Variants in RAPGEF1 observed in about 807,000 individuals in gnomAD.
RAPGEF1 encodes the protein CRK SH3-binding GNRP.
RAPGEF1 carries 33 observed loss-of-function variants against 143.3 expected under a neutral mutation model. That is an observed-to-expected ratio of 0.23 (90% CI 0.17 to 0.31). RAPGEF1 has a LOEUF of 0.31. Among genes scored for constraint, RAPGEF1 ranks in the 10% least tolerant of loss-of-function variants. The pLI is 1.00. For synonymous variants in RAPGEF1, 629 were observed against 676.5 expected, an observed-to-expected ratio of 0.93 and a Z score of 1.09; for missense variants, 1,199 against 1,645.4, an observed-to-expected ratio of 0.73 and a Z score of 4.69.
intron 1 of RAPGEF1, among the ~76,000 whole-genome samples, chr9:131,670,972 C>G (rs759795129): frequency 3.3e-5 from 5 of 152,206 alleles, no homozygotes; most frequent in Non-Finnish European, 7.3e-5. Context: ...TTTGAAAAGA[C>G]AGCCATCCCC....
intron 17 of RAPGEF1, among the ~76,000 whole-genome samples, chr9:131,594,468 A>C (rs992571789): frequency 6.6e-6 from 1 of 151,612 alleles, no homozygotes; most frequent in African/African-American, 2.4e-5. Flanking sequence ...ACCACAAAGC[A>C]CCCCCACACG....
chr9:131,595,369 A>G (rs974131514), intron 17 of RAPGEF1, among the ~76,000 whole-genome samples: 14 of 152,224 alleles, frequency 9.2e-5, no homozygotes, highest in African/African-American at 3.1e-4. Context: ...TACTACTTCC[A>G]TAATTCAGAA....
chr9:131,623,012 C>A (rs1475655160), intron 10 of RAPGEF1, among the ~76,000 whole-genome samples: 1 of 152,166 alleles, frequency 6.6e-6, no homozygotes, highest in African/African-American at 2.4e-5. Flanking sequence ...AGGTAATCCA[C>A]CTGGCTCGTC....
At chr9:131,632,340 C>T (rs1266342944) in intron 5 of RAPGEF1, among the ~76,000 whole-genome samples, 3 of 149,658 alleles carry the variant, frequency 2.0e-5, no homozygotes, top group East Asian at 2.0e-4. Context: ...GGGGTTTCAC[C>T]GTGGTCTCGA....
At chr9:131,617,250 G>T (rs1159953758) in intron 12 of RAPGEF1, among the ~76,000 whole-genome samples, 2 of 152,226 alleles carry the variant, frequency 1.3e-5, no homozygotes, top group Non-Finnish European at 2.9e-5. Flanking sequence ...GCCAAGTTTC[G>T]CAAGATTTGT....
intron 1 of RAPGEF1, among the ~76,000 whole-genome samples, chr9:131,699,548 T>C (rs541640962): frequency 6.6e-6 from 1 of 152,308 alleles, no homozygotes; most frequent in South Asian, 2.1e-4. Flanking sequence ...CTGGCCCCAC[T>C]GACACCTCTT....
Position 131,621,718 on chromosome 9 carries a change from C to T in RAPGEF1, c.1905+78G>A, listed in dbSNP as rs918772217. ...ACAGCAGGGAGGAGGGTTAACCCTG[C>T]CCCCAAGGAGGGTCATTCTGGTTCC... On this transcript the variant is annotated intron_variant, in intron 11 of 26. Coordinates refer to ENST00000683357, the MANE Select transcript of RAPGEF1 (RefSeq NM_001377935.1). The surrounding 1 kb of genome is among the most constrained non-coding windows in gnomAD (Gnocchi z 4.5). 1.4e-6 allele frequency: 2 copies of T among 1,427,240 alleles called. No homozygotes were observed. Among genetic ancestry groups the T allele is most frequent in the East Asian group, 2.5e-5 (1 of 40,332 alleles). The allele number at this position is 1,427,240 out of a possible 1,614,324, so 88.4% of individuals were successfully genotyped here. A position where few individuals can be genotyped will look rare whatever the true frequency, so the allele number is the denominator to read the frequency against.
chr9:131,598,297 G>A lies in RAPGEF1; in HGVS notation c.2515C>T (p.Pro839Ser). 1 of 1,613,938 alleles carries A rather than the reference G, an allele frequency of 6.2e-7. No individual in the cohort carries two copies. The highest frequency in any genetic ancestry group is 2.2e-5 in the East Asian group (1 of 44,890). Reference sequence around the variant, plus strand: ...GACTGAGCCGACTCCAGAGCATCTGGTGACTTTGGGGCCCTGCGGGGAGAA... The same window carrying A: ...GACTGAGCCGACTCCAGAGCATCTGATGACTTTGGGGCCCTGCGGGGAGAA... ...RDGSERAPKS[P>S]DALESAQSEE... Residue 839 changes from proline to serine, a missense_variant, in exon 16 of 27, where the codon CCA becomes TCA. By Grantham distance (74) the Pro-to-Ser change is moderately conservative. Coordinates refer to ENST00000683357, the MANE Select transcript of RAPGEF1 (RefSeq NM_001377935.1).
In RAPGEF1 at chr9:131,582,670, G is replaced by A. The variant is rs370516377; in HGVS notation, c.3447C>T (p.Ser1149=). ...CCCGGTAGGCTCGGAAGGAGGACGA[G>A]CTGTCGATCAGTGTGCAGTACTCGG... ...GLAEYCTLID[S]SSSFRAYRAA... Residue 1149 remains serine, a synonymous_variant, in exon 25 of 27, where the codon AGC becomes AGT. Transcript: ENST00000683357. 1.2e-4 allele frequency: 187 copies of A among 1,545,192 alleles called. No individual in the cohort carries two copies. Among genetic ancestry groups the A allele is most frequent in the Non-Finnish European group, 1.5e-4 (171 of 1,153,394 alleles).
chr9:131,706,624 A>G (rs1835084299), intron 1 of RAPGEF1, among the ~76,000 whole-genome samples: 1 of 152,140 alleles, frequency 6.6e-6, no homozygotes, highest in Non-Finnish European at 1.5e-5. Context: ...TCCCATTTCC[A>G]AAATGTAAGC....
chr9:131,681,045 T>C (rs1382704781), intron 1 of RAPGEF1, among the ~76,000 whole-genome samples: 1 of 151,888 alleles, frequency 6.6e-6, no homozygotes, highest in East Asian at 1.9e-4. Context: ...ATAGGACAAG[T>C]GTGGGGGTGT....
intron 1 of RAPGEF1, among the ~76,000 whole-genome samples, chr9:131,727,937 A>G (rs1367891403): frequency 6.6e-6 from 1 of 152,218 alleles, no homozygotes; most frequent in Non-Finnish European, 1.5e-5. Context: ...AGCACAAATT[A>G]GTGTGGTTAT....
chr9:131,671,262 C>A (rs1333938807), intron 1 of RAPGEF1, among the ~76,000 whole-genome samples: 1 of 152,260 alleles, frequency 6.6e-6, no homozygotes, highest in East Asian at 1.9e-4. Context: ...AGGCCCAAAT[C>A]CTCCACAGGA....
intron 1 of RAPGEF1, among the ~76,000 whole-genome samples, chr9:131,710,457 G>A (rs1802888018): frequency 6.6e-6 from 1 of 152,170 alleles, no homozygotes; most frequent in African/African-American, 2.4e-5. Flanking sequence ...AAGAAAAGAA[G>A]GGAATGAAAT....
At chr9:131,605,603 A>G (rs1482555982) in intron 12 of RAPGEF1, among the ~76,000 whole-genome samples, 1 of 152,208 alleles carries the variant, frequency 6.6e-6, no homozygotes, top group Non-Finnish European at 1.5e-5. Context: ...TTATTCCTTA[A>G]GAGTCAAACA....
chr9:131,712,279 G>A lies in RAPGEF1; in HGVS notation c.61+27491C>T, dbSNP rs190107527. ...CTAACAGTTGCACAGCAGAATACCT[G>A]GCACACAGTAGGTGCTTAATAACTC... is the stretch of plus-strand genomic sequence containing the variant. On this transcript the variant is annotated intron_variant, in intron 1 of 26. Transcript: ENST00000683357. 9.7e-4 allele frequency among the ~76,000 whole-genome samples: 147 copies of A among 152,256 alleles called. 1 individual carries two copies. The highest frequency in any genetic ancestry group is 1.3e-3 in the Non-Finnish European group (88 of 68,010).
At chr9:131,672,461 TA>T (rs1404844880) in intron 1 of RAPGEF1, among the ~76,000 whole-genome samples, 8 of 152,128 alleles carry the variant, frequency 5.3e-5, no homozygotes, top group Non-Finnish European at 1.0e-4. Flanking sequence ...GGTGCAAACC[TA>T]AGAATCTGAT....
intron 1 of RAPGEF1, among the ~76,000 whole-genome samples, chr9:131,665,598 C>T (rs1356479703): frequency 6.6e-6 from 1 of 152,130 alleles, no homozygotes; most frequent in Non-Finnish European, 1.5e-5. Flanking sequence ...CATCTATTCT[C>T]CCTCAGAGAG....
intron 11 of RAPGEF1, among the ~76,000 whole-genome samples, chr9:131,620,558 C>A (rs1255607120): frequency 6.6e-6 from 1 of 152,164 alleles, no homozygotes; most frequent in East Asian, 1.9e-4. Context: ...AGGTGAGGAT[C>A]TGAGACTCTG....
Sources: gnomAD v4.1 joint callset for allele counts (sites outside exome capture counted in the v4.1 genomes callset) on GRCh38, gnomAD v4.1.1 for gene constraint, Gnocchi (gnomAD v3.1) non-coding constraint, MANE v1.5 for transcripts, NCBI Gene and HGNC (gene_info 2026-07-23, HGNC 2026-07-21) for gene names.